Variants in KLHL12 observed in about 807,000 individuals in gnomAD.
KLHL12 encodes kelch-like protein 12.
KLHL12 carries 17 observed loss-of-function variants against 60.8 expected under a neutral mutation model. The ratio of observed to expected loss-of-function variants is 0.28; its 90% CI spans 0.19 to 0.42. The LOEUF is 0.42. Among genes scored for constraint, KLHL12 ranks in the 10% least tolerant of loss-of-function variants. The pLI is 1.00. For missense variants in KLHL12, 468 were observed against 722.3 expected, an observed-to-expected ratio of 0.65 and a Z score of 4.04; for synonymous variants, 220 against 250.9, an observed-to-expected ratio of 0.88 and a Z score of 1.16.
chr1:202,893,092 T>C lies in KLHL12; in HGVS notation c.1580+147A>G, dbSNP rs201079639. ...AGAGCAATACTCTGTCTCTAAAAAA[T>C]AAAAAAAATCTAATAAAAAAAATCA... On this transcript the variant is annotated intron_variant, in intron 11 of 11. Transcript: ENST00000367261. This position sits in a 1 kb window ranked among gnomAD's most constrained non-coding sequence, Gnocchi z 4.1. The C allele has an allele frequency of 8.3e-6, 5 of 602,604 alleles. No individual in the cohort carries two copies. Among genetic ancestry groups the C allele is most frequent in the Admixed American group, 7.0e-5 (2 of 28,548 alleles). 37.3% of individuals were successfully genotyped at this position (602,604 alleles called of 1,614,324 possible). A position where few individuals can be genotyped will look rare whatever the true frequency, so the allele number is the denominator to read the frequency against.
At chr1:202,928,509 T>C (rs1480689211), upstream of KLHL12, 2 of 1,304,322 alleles carry the variant, frequency 1.5e-6, no homozygotes, top group East Asian at 1.1e-4. Flanking sequence ...CTTTTTGACA[T>C]CGAGAAAACC....
chr1:202,919,067 TAG>T (rs1660608100), intron 3 of KLHL12, among the ~76,000 whole-genome samples: 1 of 152,052 alleles, frequency 6.6e-6, no homozygotes, highest in Non-Finnish European at 1.5e-5. Context: ...CTGAGCAACA[TAG>T]AGAGAACTCA....
intron 10 of KLHL12, 152 bp downstream of exon 10, chr1:202,894,032 G>T: frequency 3.6e-6 from 2 of 558,864 alleles, no homozygotes; most frequent in Admixed American, 3.3e-5. Flanking sequence ...AGTATCAACT[G>T]TCTTTATCCT....
intron 4 of KLHL12, chr1:202,912,610 T>G: frequency 7.5e-7 from 1 of 1,333,036 alleles, no homozygotes; most frequent in Non-Finnish European, 1.1e-6. Flanking sequence ...GAGGAAACTT[T>G]GGAGGCAGAA....
At chr1:202,906,747 C>T (rs775243684) in intron 6 of KLHL12, among the ~76,000 whole-genome samples, 6 of 152,032 alleles carry the variant, frequency 3.9e-5, no homozygotes, top group Admixed American at 6.6e-5. Context: ...CTGCAACCTC[C>T]GCCTCCCGGG....
Position 202,911,218 on chromosome 1 carries a change from T to C in KLHL12, c.568-15A>G, listed in dbSNP as rs1198864325. On this transcript the variant is annotated splice_polypyrimidine_tract_variant and intron_variant, in intron 4 of 11. Transcript: ENST00000367261. ...TCAGAATCCACCTGTAAATGTATAA[T>C]TACACACCGTGGATCCTACTTTTCC... 2 of 1,613,558 alleles carry C rather than the reference T, an allele frequency of 1.2e-6. No individual in the cohort carries two copies. Among genetic ancestry groups the C allele is most frequent in the South Asian group, 1.1e-5 (1 of 91,064 alleles).
Position 202,920,369 on chromosome 1 carries a change from A to ATTTTTTTTTTT in KLHL12, c.196-472_196-462dup, listed in dbSNP as rs951695987. 5.1e-4 allele frequency among the ~76,000 whole-genome samples: 43 copies of ATTTTTTTTTTT among 83,824 alleles called. 2 individuals carry two copies. Among genetic ancestry groups the ATTTTTTTTTTT allele is most frequent in the Non-Finnish European group, 5.3e-4 (25 of 47,064 alleles). 55.0% of individuals were successfully genotyped at this position (83,824 alleles called of 152,430 possible). The stretch of plus-strand genomic sequence containing the variant: ...ATAAAATTATGCTCTATTTTGTTGG[A>ATTTTTTTTTTT]TTTTTTTTTTTTTTTTTTTTTTTTT... On this transcript the variant is annotated intron_variant, in intron 2 of 11. Transcript: ENST00000367261.
At position 202,905,014 on chromosome 1, in the gene KLHL12, A is replaced by G. The variant is rs7516884; in HGVS notation, c.832+3996T>C. The stretch of plus-strand genomic sequence containing the variant: ...ATCCTGGTAGCTGGTTTAGCAGCCA[A>G]TATGCATAGAGATGGGTAGAGGACA... On this transcript the variant is annotated intron_variant, in intron 6 of 11. Transcript: ENST00000367261. Among the ~76,000 whole-genome samples the G allele has an allele frequency of 4.1e-3, 622 of 152,352 alleles. 3 individuals are homozygous for G. Among genetic ancestry groups the G allele is most frequent in the African/African-American group, 0.014 (598 of 41,570 alleles).
At chr1:202,897,162 C>T (rs1368116087) in intron 6 of KLHL12, among the ~76,000 whole-genome samples, 1 of 149,750 alleles carries the variant, frequency 6.7e-6, no homozygotes, top group Non-Finnish European at 1.5e-5. Context: ...GTCTCTGAAA[C>T]TTAAATTTCT....
chr1:202,901,659 T>G (rs1196085588), intron 6 of KLHL12, among the ~76,000 whole-genome samples: 3 of 152,164 alleles, frequency 2.0e-5, no homozygotes, highest in African/African-American at 7.2e-5. Flanking sequence ...TTCCCAAACT[T>G]CTTTGCTGTG....
At chr1:202,912,242 C>T (rs1660385079) in intron 4 of KLHL12, 1 of 1,107,858 alleles carries the variant, frequency 9.0e-7, no homozygotes, top group African/African-American at 1.5e-5. Flanking sequence ...GAGGCAGTGG[C>T]AAGAAAAGGG....
chr1:202,902,049 GA>G (rs931024737), intron 6 of KLHL12, among the ~76,000 whole-genome samples: 4 of 150,980 alleles, frequency 2.6e-5, no homozygotes, highest in African/African-American at 9.7e-5. Flanking sequence ...CAGGTATTAT[GA>G]AAAAAAAATT....
intron 1 of KLHL12, 129 bp from the exon 2 acceptor site, chr1:202,925,336 T>C: frequency 9.4e-7 from 1 of 1,067,196 alleles, no homozygotes; most frequent in Admixed American, 3.0e-5. Context: ...TTGAGGGCAC[T>C]CCTATGCCTG....
At chr1:202,928,527 G>T (rs937068919), upstream of KLHL12, 2 of 1,304,252 alleles carry the variant, frequency 1.5e-6, no homozygotes, top group African/African-American at 3.0e-5. Context: ...ACCCACAGAG[G>T]CCTCAAATTT....
chr1:202,911,417 A>T (rs558875196), intron 4 of KLHL12, among the ~76,000 whole-genome samples: 255 of 98,964 alleles, frequency 2.6e-3, no homozygotes, highest in African/African-American at 7.2e-3. Context: ...GGTTAAAAAA[A>T]AAATATATAT....
At chr1:202,905,302 A>G (rs1319463181) in intron 6 of KLHL12, among the ~76,000 whole-genome samples, 3 of 152,186 alleles carry the variant, frequency 2.0e-5, no homozygotes, top group Non-Finnish European at 4.4e-5. Flanking sequence ...ATTCACAAAA[A>G]TTTTCATTAG....
At chr1:202,896,228 C>T (rs1263817464) in intron 7 of KLHL12, among the ~76,000 whole-genome samples, 4 of 152,062 alleles carry the variant, frequency 2.6e-5, no homozygotes, top group Non-Finnish European at 4.4e-5. Flanking sequence ...TCACTATCAC[C>T]CAGGCTGGAG....
In KLHL12 at chr1:202,893,168, A is replaced by C. The variant is rs934643380; in HGVS notation, c.1580+71T>G. The C allele has an allele frequency of 5.5e-6, 7 of 1,277,914 alleles. No individual in the cohort carries two copies. Among genetic ancestry groups the C allele is most frequent in the Non-Finnish European group, 7.5e-6 (7 of 932,344 alleles). 79.2% of individuals were successfully genotyped at this position (1,277,914 alleles called of 1,614,324 possible). A position where few individuals can be genotyped will look rare whatever the true frequency, so the allele number is the denominator to read the frequency against. ...TACCCAAGTCTTGTCTCTGTCCAAAAATGAGGATCAGATCACATAGACTCT... is the reference window on the plus strand; with the variant it reads ...TACCCAAGTCTTGTCTCTGTCCAAACATGAGGATCAGATCACATAGACTCT... On this transcript the variant is annotated intron_variant, in intron 11 of 11. Coordinates refer to ENST00000367261, the MANE Select transcript of KLHL12 (RefSeq NM_021633.4). This position sits in a 1 kb window ranked among gnomAD's most constrained non-coding sequence, Gnocchi z 4.1.
At chr1:202,914,260 G>A (rs934794834) in intron 4 of KLHL12, among the ~76,000 whole-genome samples, 23 of 152,308 alleles carry the variant, frequency 1.5e-4, no homozygotes, top group African/African-American at 5.5e-4. Context: ...AGGGCCAAGA[G>A]CTAGAAGAGG....
Sources: gnomAD v4.1 joint callset for allele counts (sites outside exome capture counted in the v4.1 genomes callset) on GRCh38, gnomAD v4.1.1 for gene constraint, Gnocchi (gnomAD v3.1) non-coding constraint, MANE v1.5 for transcripts, NCBI Gene and HGNC (gene_info 2026-07-23, HGNC 2026-07-21) for gene names.